The following PDE10A variants were observed in gnomAD, a reference collection of about 807,000 sequenced individuals.
PDE10A encodes cAMP and cAMP-inhibited cGMP 3',5'-cyclic phosphodiesterase 10A.
PDE10A carries 39 observed loss-of-function variants against 97.7 expected under a neutral mutation model. The ratio of observed to expected loss-of-function variants is 0.40; its 90% confidence interval spans 0.31 to 0.52. PDE10A has a LOEUF of 0.52. PDE10A is among the 20% of genes least tolerant of loss of function. PDE10A has a pLI of 0.56. For synonymous variants in PDE10A, 371 were observed against 376.8 expected, an observed-to-expected ratio of 0.98 and a Z score of 0.18; for missense variants, 731 against 1,047.8, an observed-to-expected ratio of 0.70 and a Z score of 4.17.
In PDE10A at chr6:165,721,876, G is replaced by T. The variant is rs896658767; in HGVS notation, c.-614-178308C>A. 5.9e-5 allele frequency among the ~76,000 whole-genome samples: 9 copies of T among 152,196 alleles called. No individual in the cohort carries two copies. In the East Asian group the frequency reaches 9.7e-4, roughly 16 times the overall value. Reference sequence around the variant, plus strand: ...ATGAAGAGACGCTAAGACGGATAAGGTTCCTAAAGCTCCTAAATCTTTCCT... The same window carrying T: ...ATGAAGAGACGCTAAGACGGATAAGTTTCCTAAAGCTCCTAAATCTTTCCT... On this transcript the variant is annotated intron_variant, in intron 1 of 19. Transcript: ENST00000366882.
chr6:165,976,711 G>C (rs1056254535), intron 1 of PDE10A, among the ~76,000 whole-genome samples: 1 of 152,132 alleles, frequency 6.6e-6, no homozygotes, highest in East Asian at 1.9e-4. Flanking sequence ...TCAAGAATTT[G>C]GTAAACTTGA....
intron 1 of PDE10A, among the ~76,000 whole-genome samples, chr6:165,730,568 A>G (rs904680221): frequency 3.3e-5 from 5 of 151,898 alleles, no homozygotes; most frequent in South Asian, 2.1e-4. Flanking sequence ...CCTGGCCAAC[A>G]TGGTGAAACC....
rs556022335 is a variant in PDE10A at position 165,418,034 on chromosome 6, C to A, written c.1796+601G>T. Among the ~76,000 whole-genome samples the A allele has an allele frequency of 6.6e-6, 1 of 152,054 alleles. No homozygotes were observed. Among genetic ancestry groups the A allele is most frequent in the Admixed American group, 6.5e-5 (1 of 15,268 alleles). On this transcript the variant is annotated intron_variant, in intron 11 of 21. Coordinates refer to ENST00000539869, the MANE Select transcript of PDE10A (RefSeq NM_001385079.1). This position sits in a 1 kb window ranked among gnomAD's most constrained non-coding sequence, Gnocchi z 4.8. Reference sequence around the variant, plus strand: ...TGCTCCTTGTGTAGGTTTCCAGGTGCGATATGAGCAAGCCCCCATGCCTCC... The same window carrying A: ...TGCTCCTTGTGTAGGTTTCCAGGTGAGATATGAGCAAGCCCCCATGCCTCC...
intron 1 of PDE10A, among the ~76,000 whole-genome samples, chr6:165,892,327 C>A (rs530749640): frequency 3.3e-5 from 5 of 152,186 alleles, no homozygotes; most frequent in Non-Finnish European, 1.5e-5. Context: ...TGGACTCCCC[C>A]CTCTTCATTC....
chr6:165,856,475 T>C (rs1780739798), intron 1 of PDE10A, among the ~76,000 whole-genome samples: 1 of 152,194 alleles, frequency 6.6e-6, no homozygotes. Flanking sequence ...AATTCCTGTC[T>C]GTGTGACTTT....
At position 165,721,013 on chromosome 6, in the gene PDE10A, T is replaced by C. The variant is rs144370210; in HGVS notation, c.-614-177445A>G. 1.1e-3 allele frequency among the ~76,000 whole-genome samples: 175 copies of C among 152,332 alleles called. No homozygotes were observed. In the Middle Eastern group the frequency reaches 0.02, roughly 18 times the overall value. On this transcript the variant is annotated intron_variant, in intron 1 of 19. Coordinates refer to the PDE10A transcript ENST00000366882. ...GGACGTATGGAAAGTTATGTGTAAA[T>C]AGTGTTAGGCATTAAGAATGTTACA...
intron 1 of PDE10A, among the ~76,000 whole-genome samples, chr6:165,697,193 C>A (rs185340695): frequency 2.2e-3 from 327 of 151,884 alleles, no homozygotes; most frequent in Admixed American, 5.5e-3. Context: ...GTAGAATAAA[C>A]TGAAAGAGAA....
chr6:165,552,240 T>C (rs1047803977), intron 1 of PDE10A, among the ~76,000 whole-genome samples: 1 of 152,210 alleles, frequency 6.6e-6, no homozygotes, highest in Non-Finnish European at 1.5e-5. Flanking sequence ...CTCCATGATC[T>C]GTCTCATTCT....
At position 165,506,745 on chromosome 6, in the gene PDE10A, A is replaced by C. The variant is rs145945955; in HGVS notation, c.995-24402T>G. On this transcript the variant is annotated intron_variant, in intron 2 of 21. Coordinates refer to ENST00000539869, the MANE Select transcript of PDE10A (RefSeq NM_001385079.1). ...ATTCAAAAAAGTTATAAAATGATTC[A>C]ACATATTCACAGCTTTTTATTTGTA... Among the ~76,000 whole-genome samples, 232 of 152,284 alleles carry C rather than the reference A, an allele frequency of 1.5e-3. 2 individuals carry two copies. The highest frequency in any genetic ancestry group is 5.3e-3 in the African/African-American group (220 of 41,562).
At chr6:165,779,080 T>A (rs1391400554) in intron 1 of PDE10A, among the ~76,000 whole-genome samples, 2 of 152,230 alleles carry the variant, frequency 1.3e-5, no homozygotes, top group Non-Finnish European at 2.9e-5. Flanking sequence ...GTTCTTAAGA[T>A]GTTATTTCAT....
intron 1 of PDE10A, among the ~76,000 whole-genome samples, chr6:165,715,400 A>G (rs1001567814): frequency 1.3e-5 from 2 of 152,256 alleles, no homozygotes; most frequent in Non-Finnish European, 2.9e-5. Context: ...TCAGCTGAGC[A>G]TTATATAAAT....
chr6:165,733,966 T>C (rs1376856239), intron 1 of PDE10A, among the ~76,000 whole-genome samples: 1 of 152,080 alleles, frequency 6.6e-6, no homozygotes, highest in Non-Finnish European at 1.5e-5. Context: ...ACTCAGACAA[T>C]TTAAAATTTT....
At chr6:165,768,510 G>T (rs1777923556) in intron 1 of PDE10A, among the ~76,000 whole-genome samples, 1 of 151,980 alleles carries the variant, frequency 6.6e-6, no homozygotes, top group South Asian at 2.1e-4. Flanking sequence ...ATGCTCCTTA[G>T]AATTTTTCGC....
At chr6:165,808,118 C>T (rs771842611) in intron 1 of PDE10A, among the ~76,000 whole-genome samples, 16 of 152,186 alleles carry the variant, frequency 1.1e-4, no homozygotes, top group Non-Finnish European at 1.9e-4. Context: ...TTTGGAGTTG[C>T]ATCGTGGGAC....
rs1366161772 is a variant in PDE10A at position 165,479,688 on chromosome 6, T to C, written c.1023+2627A>G. On this transcript the variant is annotated intron_variant, in intron 3 of 21. Transcript: ENST00000539869. ...CTGTTTCCACAACTCCCCTCTATAC[T>C]ATGAGAACCTGAATACTGTCGATTT... 2.6e-5 allele frequency among the ~76,000 whole-genome samples: 4 copies of C among 152,156 alleles called. 1 individual carries two copies. The highest frequency in any genetic ancestry group is 7.2e-5 in the African/African-American group (3 of 41,426).
chr6:165,886,686 A>C (rs1781640796), intron 1 of PDE10A, among the ~76,000 whole-genome samples: 1 of 152,250 alleles, frequency 6.6e-6, no homozygotes. Flanking sequence ...TTTGGGGTTC[A>C]GATTTACTCT....
At chr6:165,584,011 C>T (rs1785764309) in intron 1 of PDE10A, among the ~76,000 whole-genome samples, 1 of 152,168 alleles carries the variant, frequency 6.6e-6, no homozygotes, top group East Asian at 1.9e-4. Flanking sequence ...GCTCCTCAGG[C>T]CTCTGAATCA....
chr6:165,429,399 T>C (rs1433071294), intron 9 of PDE10A, among the ~76,000 whole-genome samples: 1 of 152,086 alleles, frequency 6.6e-6, no homozygotes, highest in East Asian at 1.9e-4. Context: ...TTTAACCTAG[T>C]TGGCTCAGGT....
chr6:165,846,069 A>G (rs1056987379), intron 1 of PDE10A, among the ~76,000 whole-genome samples: 3 of 152,244 alleles, frequency 2.0e-5, no homozygotes, highest in Admixed American at 6.5e-5. Context: ...ATGACAGCCT[A>G]CAATCAATTT....
Sources: allele counts gnomAD v4.1 joint callset (sites outside exome capture counted in the v4.1 genomes callset), GRCh38; gene constraint gnomAD v4.1.1; non-coding constraint Gnocchi (gnomAD v3.1); transcripts MANE v1.5; gene names NCBI Gene and HGNC (gene_info 2026-07-23, HGNC 2026-07-21).